Variants in AHCY observed in about 807,000 individuals in gnomAD.
The protein encoded by AHCY is adenosylhomocysteinase.
In AHCY, 24 loss-of-function variants were observed where a neutral mutation model predicts 45.4. That is an observed-to-expected ratio of 0.53 (90% CI 0.38 to 0.74). The LOEUF (loss-of-function observed/expected upper bound fraction) is 0.74. AHCY is among the 30% of genes least tolerant of loss of function. AHCY has a pLI of 0.00. For missense variants in AHCY, 449 were observed against 594.1 expected (o/e 0.76, Z 2.54); for synonymous variants, 245 against 235.1 (o/e 1.04, Z -0.39).
chr20:34,262,873 G>T, the AHCY span: 2 of 1,614,030 alleles, frequency 1.2e-6, no homozygotes, highest in African/African-American at 2.7e-5. Flanking sequence ...AAAAGCAGCA[G>T]AAAAGAAAAG....
At chr20:34,232,453 C>T in the AHCY span, among the ~76,000 whole-genome samples, 56 of 152,198 alleles carry the variant, frequency 3.7e-4, 1 homozygote, top group Middle Eastern at 6.8e-3. Flanking sequence ...GAACCAAATC[C>T]GTCCAATTTA....
chr20:34,288,203 T>G (rs1467566037), intron 8 of AHCY, among the ~76,000 whole-genome samples: 2 of 151,702 alleles, frequency 1.3e-5, no homozygotes, highest in Non-Finnish European at 2.9e-5. Flanking sequence ...AGAGGAGCAG[T>G]GTAGGGGATG....
chr20:34,294,002 T>C, intron 3 of AHCY, 79 bp downstream of exon 3: 1 of 1,423,314 alleles, frequency 7.0e-7, no homozygotes, highest in Admixed American at 1.8e-5. Context: ...TAAGGAAGTC[T>C]GTTGCTCTAG....
chr20:34,285,097 T>C (rs2036128089), intron 9 of AHCY, among the ~76,000 whole-genome samples: 1 of 152,162 alleles, frequency 6.6e-6, no homozygotes, highest in African/African-American at 2.4e-5. Flanking sequence ...ATTACCTTCA[T>C]TTCACAGATG....
rs766897311 is a variant in AHCY, at chr20:34,290,752, C to A, written c.745G>T (p.Ala249Ser). 1.2e-6 allele frequency: 2 copies of A among 1,613,940 alleles called. No individual in the cohort carries two copies. The highest frequency in any genetic ancestry group is 1.1e-5 in the South Asian group (1 of 91,070). The part of the protein sequence containing the change: ...VIITEIDPIN[A>S]LQAAMEGYEV... ...CTACCCTCCATGGCAGCCTGCAGTG[C>A]GTTGATGGGGTCAATCTCGGTGATG... Residue 249 changes from alanine (A) to serine (S), a missense_variant, in exon 6 of 10, where the codon GCA (alanine) becomes TCA (serine). By Grantham distance (99) the Ala-to-Ser change is moderately conservative. Transcript: ENST00000217426. This position sits in a 1 kb window ranked among gnomAD's most constrained non-coding sequence, Gnocchi z 4.5.
At chr20:34,276,851 T>C (rs1479774403), downstream of AHCY, among the ~76,000 whole-genome samples, 1 of 152,160 alleles carries the variant, frequency 6.6e-6, no homozygotes, top group Non-Finnish European at 1.5e-5. Context: ...CCCGGACCAC[T>C]GCACACCCCT....
rs2035969532 is a variant in AHCY at position 34,280,646 on chromosome 20, T to C, written c.*388A>G. On this transcript the variant is annotated 3_prime_UTR_variant, in exon 10 of 10. Coordinates refer to ENST00000217426, the MANE Select transcript of AHCY (RefSeq NM_000687.4). Reference sequence around the variant, plus strand: ...CATCTGTCATGGGCTGAAGAACCACTGGACCTGTAAACCAAGCACACAGGT... The same window carrying C: ...CATCTGTCATGGGCTGAAGAACCACCGGACCTGTAAACCAAGCACACAGGT... The C allele has an allele frequency of 3.1e-6, 1 of 321,388 alleles. No individual in the cohort carries two copies. Among genetic ancestry groups the C allele is most frequent in the Admixed American group, 4.3e-5 (1 of 23,186 alleles). The allele number at this position is 321,388 out of a possible 1,614,324, so 19.9% of individuals were successfully genotyped here.
At chr20:34,270,711 T>A in the AHCY span, among the ~76,000 whole-genome samples, 1 of 152,200 alleles carries the variant, frequency 6.6e-6, no homozygotes, top group Non-Finnish European at 1.5e-5. Flanking sequence ...GGTGAAGAAG[T>A]CCAATATGGA....
At chr20:34,274,620 G>A in the AHCY span, among the ~76,000 whole-genome samples, 88 of 152,204 alleles carry the variant, frequency 5.8e-4, no homozygotes, top group African/African-American at 1.9e-3. Flanking sequence ...TACTCAAGAG[G>A]CCATGAGAGG....
chr20:34,236,860 T>C, the AHCY span, among the ~76,000 whole-genome samples: 1 of 152,190 alleles, frequency 6.6e-6, no homozygotes, highest in African/African-American at 2.4e-5. Context: ...AGGTCTATGA[T>C]TCATTTTGGG....
At chr20:34,294,876 G>A (rs924983965) in intron 2 of AHCY, among the ~76,000 whole-genome samples, 2 of 152,172 alleles carry the variant, frequency 1.3e-5, no homozygotes, top group Non-Finnish European at 2.9e-5. Flanking sequence ...AAAGAAAGAA[G>A]AGGTCCAAGG....
chr20:34,250,367 T>A, the AHCY span, among the ~76,000 whole-genome samples: 1 of 152,168 alleles, frequency 6.6e-6, no homozygotes, highest in East Asian at 1.9e-4. Flanking sequence ...AAAACAATGC[T>A]AAAATAAAAA....
the AHCY span, among the ~76,000 whole-genome samples, chr20:34,255,103 A>C: frequency 6.6e-6 from 1 of 152,094 alleles, no homozygotes; most frequent in African/African-American, 2.4e-5. Context: ...CTGATGGTGA[A>C]CTGAGCTTGT....
At chr20:34,269,031 C>A in the AHCY span, 2 of 1,607,960 alleles carry the variant, frequency 1.2e-6, no homozygotes, top group Non-Finnish European at 8.5e-7. Context: ...CCCCGGACCC[C>A]CCTATCTGCG....
the AHCY span, among the ~76,000 whole-genome samples, chr20:34,257,122 C>T: frequency 7.2e-6 from 1 of 139,220 alleles, no homozygotes; most frequent in East Asian, 2.1e-4. Flanking sequence ...TTCCCTCTTT[C>T]ACCCAGGCTG....
the AHCY span, chr20:34,260,438 A>T: frequency 6.2e-7 from 1 of 1,614,120 alleles, no homozygotes; most frequent in Non-Finnish European, 8.5e-7. Context: ...CACTGCCAAC[A>T]GCCACCTGCC....
chr20:34,303,361 C>T (rs550222374), upstream of AHCY: 60 of 1,520,666 alleles, frequency 3.9e-5, no homozygotes, highest in African/African-American at 5.2e-4. Context: ...CAGGGATATG[C>T]GCGTGGCGCC....
chr20:34,234,464 T>C, the AHCY span, among the ~76,000 whole-genome samples: 1 of 152,110 alleles, frequency 6.6e-6, no homozygotes, highest in Non-Finnish European at 1.5e-5. Flanking sequence ...CTATCAGCTT[T>C]CTTTCTTTCT....
At chr20:34,295,606 G>T in intron 1 of AHCY, 21 bp from the exon 2 acceptor site, 1 of 1,610,992 alleles carries the variant, frequency 6.2e-7, no homozygotes, top group Non-Finnish European at 8.5e-7. Context: ...AAACAGGTGG[G>T]AGTTCCGTGA....
Sources: allele counts gnomAD v4.1 joint callset (sites outside exome capture counted in the v4.1 genomes callset), GRCh38; gene constraint gnomAD v4.1.1; non-coding constraint Gnocchi (gnomAD v3.1); transcripts MANE v1.5; gene names NCBI Gene and HGNC (gene_info 2026-07-23, HGNC 2026-07-21).